Variants in COMMD10 observed in about 807,000 individuals in gnomAD.
COMMD10 encodes COMM domain-containing protein 10.
Under a neutral mutation model 28.9 loss-of-function variants are expected in COMMD10, and 33 were observed. The observed-to-expected ratio is 1.14, with a 90% CI of 0.87 to 1.53. COMMD10 has a LOEUF of 1.53. Ranked by LOEUF, COMMD10 falls within the 40% of genes most tolerant of loss-of-function variation. The pLI is 0.00. For synonymous variants in COMMD10, 110 were observed against 81.7 expected (o/e 1.35, Z -1.87); for missense variants, 310 against 233.4 (o/e 1.33, Z -2.14).
chr5:116,231,057 G>A (rs1749516372), intron 5 of COMMD10, among the ~76,000 whole-genome samples: 2 of 152,082 alleles, frequency 1.3e-5, no homozygotes, highest in South Asian at 4.1e-4. Flanking sequence ...GTTCAAACCA[G>A]AATAAATGCA....
chr5:116,176,383 G>C (rs137962755), intron 5 of COMMD10, among the ~76,000 whole-genome samples: 1 of 152,104 alleles, frequency 6.6e-6, no homozygotes, highest in Admixed American at 6.6e-5. Flanking sequence ...CAAAGTGTTG[G>C]GATTACAGGT....
rs1398557284 is a variant in COMMD10, at chr5:116,230,694, C to T, written c.511-60823C>T. Among the ~76,000 whole-genome samples, 3 of 152,120 alleles carry T rather than the reference C, an allele frequency of 2.0e-5. No homozygotes were observed. The East Asian group carries it at 5.8e-4, about 29-fold the overall frequency. On this transcript the variant is annotated intron_variant, in intron 5 of 6. Transcript: ENST00000274458. ...GAAAAGATTGAAGGAAAGCAGTCTC[C>T]TCTTTTACCAGCCCCCACCTCAACT...
chr5:116,210,415 A>G (rs1384540840), intron 5 of COMMD10, among the ~76,000 whole-genome samples: 2 of 151,976 alleles, frequency 1.3e-5, no homozygotes, highest in Admixed American at 6.6e-5. Flanking sequence ...TCTTAGGAAG[A>G]TAATTATATT....
intron 5 of COMMD10, among the ~76,000 whole-genome samples, chr5:116,222,982 GCTCAGCCGCC>G (rs1407609390): frequency 6.6e-6 from 1 of 152,098 alleles, no homozygotes; most frequent in Non-Finnish European, 1.5e-5. Flanking sequence ...GAGCCACTGC[GCTCAGCCGCC>G]CTTTTTAATA....
intron 4 of COMMD10, among the ~76,000 whole-genome samples, chr5:116,119,808 G>A (rs4532392): frequency 0.11 from 16,384 of 152,054 alleles, 1,002 homozygotes; most frequent in African/African-American, 0.15. Flanking sequence ...TAGAGACAGT[G>A]TCTTGCCATT....
intron 5 of COMMD10, among the ~76,000 whole-genome samples, chr5:116,157,101 G>A (rs1354691989): frequency 6.6e-6 from 1 of 152,072 alleles, no homozygotes; most frequent in South Asian, 2.1e-4. Flanking sequence ...CATATCAGAA[G>A]TTCCTATTTT....
At chr5:116,262,304 G>C (rs771752315) in intron 5 of COMMD10, among the ~76,000 whole-genome samples, 1 of 151,738 alleles carries the variant, frequency 6.6e-6, no homozygotes, top group Non-Finnish European at 1.5e-5. Flanking sequence ...GTTTTCAACA[G>C]AATAGAAGTT....
At chr5:116,183,895 T>C (rs1748055674) in intron 5 of COMMD10, among the ~76,000 whole-genome samples, 1 of 152,110 alleles carries the variant, frequency 6.6e-6, no homozygotes, top group Admixed American at 6.6e-5. Context: ...AGGATGTTTT[T>C]GAGATTATAT....
chr5:116,107,718 C>T (rs1750888623), intron 4 of COMMD10, among the ~76,000 whole-genome samples: 1 of 151,756 alleles, frequency 6.6e-6, no homozygotes, highest in African/African-American at 2.4e-5. Context: ...AGTTTTGTTC[C>T]CTTGCTGGCG....
chr5:116,132,916 A>G (rs1013485929), intron 4 of COMMD10, among the ~76,000 whole-genome samples: 8 of 152,142 alleles, frequency 5.3e-5, no homozygotes, highest in East Asian at 1.9e-4. Flanking sequence ...CATAACCTCT[A>G]AAAGGCTTAG....
At chr5:116,111,454 T>TTTGTATTGCTGTGTCCTACAGGTTG in intron 4 of COMMD10, among the ~76,000 whole-genome samples, 1 of 152,172 alleles carries the variant, frequency 6.6e-6, no homozygotes. Flanking sequence ...CCTACAGGTT[T>TTTGTATTGCTGTGTCCTACAGGTTG]TTGTATGTTG....
chr5:116,204,986 A>G (rs1748773829), intron 5 of COMMD10, among the ~76,000 whole-genome samples: 1 of 152,064 alleles, frequency 6.6e-6, no homozygotes, highest in Admixed American at 6.6e-5. Context: ...TTGGTAGTTA[A>G]AGGTGCATGA....
In COMMD10 at chr5:116,123,267, T is replaced by A. The variant is rs559808777; in HGVS notation, c.400-10801T>A. Among the ~76,000 whole-genome samples, 12 of 152,286 alleles carry A rather than the reference T, an allele frequency of 7.9e-5. No homozygotes were observed. In the South Asian group the frequency reaches 2.5e-3, roughly 32 times the overall value. ...CATCGATACCTAATTTATTGAGTGA[T>A]TTTAGCATGAAGGGCTGTTGAATTT... On this transcript the variant is annotated intron_variant, in intron 4 of 6. Coordinates refer to ENST00000274458, the MANE Select transcript of COMMD10 (RefSeq NM_016144.4).
At chr5:116,156,189 C>G (rs923253095) in intron 5 of COMMD10, among the ~76,000 whole-genome samples, 12 of 152,080 alleles carry the variant, frequency 7.9e-5, no homozygotes, top group African/African-American at 2.7e-4. Flanking sequence ...ATATTTTTGA[C>G]AAATAATAGA....
At chr5:116,198,815 A>C (rs1239634134) in intron 5 of COMMD10, among the ~76,000 whole-genome samples, 2 of 152,124 alleles carry the variant, frequency 1.3e-5, no homozygotes, top group Non-Finnish European at 2.9e-5. Context: ...GTACTAAATA[A>C]TCTCTTGTCT....
chr5:116,102,932 C>G (rs1750713511), intron 4 of COMMD10, among the ~76,000 whole-genome samples: 1 of 151,874 alleles, frequency 6.6e-6, no homozygotes, highest in East Asian at 1.9e-4. Context: ...GTTTTCTGTT[C>G]TTGTGTTAGT....
intron 5 of COMMD10, among the ~76,000 whole-genome samples, chr5:116,243,167 G>C (rs551027712): frequency 6.6e-6 from 1 of 152,168 alleles, no homozygotes; most frequent in East Asian, 1.9e-4. Flanking sequence ...TATGAATATA[G>C]AAAAGTACAG....
chr5:116,207,316 G>T (rs1200631219), intron 5 of COMMD10, among the ~76,000 whole-genome samples: 1 of 152,144 alleles, frequency 6.6e-6, no homozygotes, highest in Non-Finnish European at 1.5e-5. Context: ...AGATAAATCT[G>T]TATATCCAAA....
At chr5:116,246,216 A>G (rs1332854585) in intron 5 of COMMD10, among the ~76,000 whole-genome samples, 1 of 152,158 alleles carries the variant, frequency 6.6e-6, no homozygotes, top group Non-Finnish European at 1.5e-5. Flanking sequence ...CCAAATGAGG[A>G]ACATACTCCC....
Sources: gnomAD v4.1 joint callset for allele counts (sites outside exome capture counted in the v4.1 genomes callset) on GRCh38, gnomAD v4.1.1 for gene constraint, MANE v1.5 for transcripts, NCBI Gene and HGNC (gene_info 2026-07-23, HGNC 2026-07-21) for gene names.